The following DTX1 variants were observed in gnomAD, a reference collection of about 807,000 sequenced individuals.
The protein encoded by DTX1 is deltex E3 ubiquitin ligase 1, also known as E3 ubiquitin-protein ligase DTX1.
Under a neutral mutation model 57.8 loss-of-function variants are expected in DTX1, and 26 were observed. That is an observed-to-expected ratio of 0.45 (90% confidence interval 0.33 to 0.62). DTX1 has a LOEUF of 0.62. Ranked by LOEUF, DTX1 falls within the 20% of genes least tolerant of loss-of-function variation. DTX1 has a pLI of 0.02. For synonymous variants in DTX1, 398 were observed against 394.1 expected (o/e 1.01, Z -0.12); for missense variants, 704 against 895.3 (o/e 0.79, Z 2.73).
At chr12:113,059,025 G>T (rs1404313219) in intron 2 of DTX1, among the ~76,000 whole-genome samples, 2 of 152,124 alleles carry the variant, frequency 1.3e-5, no homozygotes, top group African/African-American at 4.8e-5. Flanking sequence ...GTTGGTTTGT[G>T]GGGTGGAGTC....
intron 2 of DTX1, among the ~76,000 whole-genome samples, chr12:113,068,563 C>T (rs896536668): frequency 4.6e-5 from 7 of 152,124 alleles, no homozygotes; most frequent in Admixed American, 2.6e-4. Context: ...ACCGCACACA[C>T]GGTATGTTCA....
At chr12:113,086,810 C>T (rs1592852268) in intron 3 of DTX1, among the ~76,000 whole-genome samples, 2 of 151,752 alleles carry the variant, frequency 1.3e-5, no homozygotes, top group Admixed American at 6.6e-5. Context: ...CCCCACCAGG[C>T]CCCTGGCTGC....
At chr12:113,072,918 G>A (rs2044746976) in intron 2 of DTX1, among the ~76,000 whole-genome samples, 1 of 151,930 alleles carries the variant, frequency 6.6e-6, no homozygotes, top group African/African-American at 2.4e-5. Context: ...TGTGGGCCAG[G>A]CTGGTCCCGA....
At position 113,093,132 on chromosome 12, in the gene DTX1, C is replaced by T. The variant is rs1406500795; in HGVS notation, c.942-30C>T. 4.5e-6 allele frequency: 7 copies of T among 1,571,826 alleles called. No homozygotes were observed. Among genetic ancestry groups the T allele is most frequent in the Non-Finnish European group, 6.0e-6 (7 of 1,158,480 alleles). On this transcript the variant is annotated intron_variant, in intron 3 of 9. Coordinates refer to ENST00000548759, the MANE Select transcript of DTX1 (RefSeq NM_004416.3). This position sits in a 1 kb window ranked among gnomAD's most constrained non-coding sequence, Gnocchi z 4.2. Reference sequence around the variant, plus strand: ...TGACGTCGCTTCGGGGGCTGGAGTCCAGCTGCGGCCTCTTCTCTTCTCCCC... The same window carrying T: ...TGACGTCGCTTCGGGGGCTGGAGTCTAGCTGCGGCCTCTTCTCTTCTCCCC...
chr12:113,065,442 C>T (rs2044697585), intron 2 of DTX1, among the ~76,000 whole-genome samples: 1 of 152,154 alleles, frequency 6.6e-6, no homozygotes, highest in Non-Finnish European at 1.5e-5. Flanking sequence ...CCCGCCCGCG[C>T]CTTCCGGGCT....
chr12:113,096,439 C>CAAAAAAAAAAAA (rs56194115), intron 9 of DTX1, among the ~76,000 whole-genome samples: 21 of 92,724 alleles, frequency 2.3e-4, no homozygotes, highest in Admixed American at 4.1e-4. Context: ...GACTCTGCCT[C>CAAAAAAAAAAAA]AAAAAAAAAA....
intron 2 of DTX1, among the ~76,000 whole-genome samples, chr12:113,061,986 G>A (rs68176148): frequency 0.15 from 22,224 of 151,888 alleles, 2,269 homozygotes; most frequent in Middle Eastern, 0.32. Flanking sequence ...GATTACAAGC[G>A]TGAGCCACTG....
intron 3 of DTX1, among the ~76,000 whole-genome samples, chr12:113,083,483 G>A (rs1384696653): frequency 6.6e-6 from 1 of 152,118 alleles, no homozygotes; most frequent in Non-Finnish European, 1.5e-5. Context: ...CTGCCACCAT[G>A]ACCGGCTATT....
rs144014904 is a variant in DTX1 at position 113,094,944 on chromosome 12, C to T, written c.1383C>T (p.Asn461=). The change falls in exon 7 of 10, where the codon AAC becomes AAT. Residue 461 remains asparagine, a synonymous_variant. Transcript: ENST00000548759. ...LCLVAMYSNG[N]KDGSLQCPTC... Reference sequence around the variant, plus strand: ...TCGTGGCCATGTACTCCAATGGCAACAAGGTGGGTTGGGCGGGACAATGGC... The same window carrying T: ...TCGTGGCCATGTACTCCAATGGCAATAAGGTGGGTTGGGCGGGACAATGGC... The T allele has an allele frequency of 5.8e-4, 942 of 1,612,426 alleles. No homozygotes were observed. The highest frequency in any genetic ancestry group is 7.5e-4 in the Non-Finnish European group (880 of 1,178,912).
At chr12:113,062,269 A>T (rs754046207) in intron 2 of DTX1, among the ~76,000 whole-genome samples, 5 of 152,104 alleles carry the variant, frequency 3.3e-5, no homozygotes, top group Non-Finnish European at 7.4e-5. Flanking sequence ...TCAGATAATA[A>T]ATCTTTTAAC....
At position 113,078,114 on chromosome 12, in the gene DTX1, G is replaced by A; in HGVS notation, c.941+9G>A. 3 of 1,356,868 alleles carry A rather than the reference G, an allele frequency of 2.2e-6. No homozygotes were observed. The highest frequency in any genetic ancestry group is 1.7e-5 in the South Asian group (1 of 59,822). 84.1% of individuals were successfully genotyped at this position (1,356,868 alleles called of 1,614,324 possible). The stretch of plus-strand genomic sequence containing the variant: ...GCCTCCATCCCGCCGGGGTAAGACG[G>A]GGCCCAGGGGGAGGGGGCCTCTGCG... On this transcript the variant is annotated intron_variant, in intron 3 of 9. Transcript: ENST00000548759.
chr12:113,063,039 CTGGGCGAGGGA>C (rs1350826509), intron 2 of DTX1, among the ~76,000 whole-genome samples: 1 of 152,244 alleles, frequency 6.6e-6, no homozygotes, highest in East Asian at 1.9e-4. Context: ...AGAGTCAGAG[CTGGGCGAGGGA>C]TGGGTCGCTT....
intron 3 of DTX1, among the ~76,000 whole-genome samples, chr12:113,083,194 T>A (rs2044830558): frequency 6.6e-6 from 1 of 152,196 alleles, no homozygotes; most frequent in Non-Finnish European, 1.5e-5. Context: ...TTATCTTAAT[T>A]ACCTCTTTAA....
At chr12:113,090,208 TTGTC>T (rs1335089953) in intron 3 of DTX1, 1 of 152,154 alleles carries the variant, frequency 6.6e-6, no homozygotes. Flanking sequence ...CTTAACCAGG[TTGTC>T]TGCACTAGAG....
chr12:113,095,158 T>C lies in DTX1; in HGVS notation c.1503T>C (p.Asp501=), dbSNP rs541096917. ...CCCACTCGCTGCCCGGCTTCCCTGA[T>C]ACCCAGACCATCCGCATCGTCTATG... The part of the protein sequence containing the change: ...LIPHSLPGFP[D]TQTIRIVYDI... The change falls in exon 8 of 10, where the codon GAT becomes GAC. Residue 501 remains aspartate (D), a synonymous_variant. Transcript: ENST00000548759. 3 of 1,613,152 alleles carry C rather than the reference T, an allele frequency of 1.9e-6. No individual in the cohort carries two copies. Among genetic ancestry groups the C allele is most frequent in the South Asian group, 2.2e-5 (2 of 91,060 alleles).
intron 9 of DTX1, 71 bp from the exon 10 acceptor site, chr12:113,096,644 G>A: frequency 1.4e-6 from 2 of 1,441,092 alleles, no homozygotes; most frequent in South Asian, 2.6e-5. Context: ...GGGAGGGAGG[G>A]AGGCTGAGGC....
chr12:113,076,275 A>G (rs1461953973), intron 2 of DTX1, among the ~76,000 whole-genome samples: 1 of 151,842 alleles, frequency 6.6e-6, no homozygotes, highest in Non-Finnish European at 1.5e-5. Context: ...CCTGGCCAAC[A>G]TGGCAAAACC....
At position 113,058,297 on chromosome 12, in the gene DTX1, C is replaced by A; in HGVS notation, c.105C>A (p.Ser35Arg). ...VVVWEWLNEH[S>R]RWRPYTATVC... ...TGTGGGAGTGGCTGAATGAGCACAG[C>A]CGCTGGCGGCCCTACACGGCCACCG... The change falls in exon 2 of 10, where the codon AGC becomes AGA. Residue 35 changes from serine to arginine, a missense_variant. This residue lies in a region of DTX1 where 237 missense variants were observed against 328.6 expected (regional missense o/e 0.72). Coordinates refer to ENST00000548759, the MANE Select transcript of DTX1 (RefSeq NM_004416.3). The A allele has an allele frequency of 1.2e-6, 2 of 1,613,618 alleles. No homozygotes were observed. Among genetic ancestry groups the A allele is most frequent in the African/African-American group, 2.7e-5 (2 of 75,056 alleles).
intron 2 of DTX1, among the ~76,000 whole-genome samples, chr12:113,068,108 A>G (rs555654096): frequency 6.6e-6 from 1 of 152,348 alleles, no homozygotes; most frequent in East Asian, 1.9e-4. Flanking sequence ...ACCAGAACAA[A>G]ACCATATCCG....
Sources: gnomAD v4.1 joint callset for allele counts (sites outside exome capture counted in the v4.1 genomes callset) on GRCh38, gnomAD v4.1.1 for gene constraint, gnomAD v4.1.1 regional missense constraint, Gnocchi (gnomAD v3.1) non-coding constraint, MANE v1.5 for transcripts, NCBI Gene and HGNC (gene_info 2026-07-23, HGNC 2026-07-21) for gene names.